ZDHHC21: variants seen among roughly 807,000 people sequenced by gnomAD.
The protein encoded by ZDHHC21 is zDHHC palmitoyltransferase 21.
ZDHHC21 carries 15 observed loss-of-function variants against 34.6 expected under a neutral mutation model. The observed-to-expected ratio is 0.43, with a 90% CI of 0.29 to 0.67. The LOEUF is 0.67. Among genes scored for constraint, ZDHHC21 ranks in the 30% least tolerant of loss-of-function variants. The pLI is 0.14. For synonymous variants in ZDHHC21, 142 were observed against 101.8 expected (o/e 1.40, Z -2.38); for missense variants, 344 against 327.7 (o/e 1.05, Z -0.38).
chr9:14,622,108 C>T (rs1416175814), intron 8 of ZDHHC21, among the ~76,000 whole-genome samples: 1 of 152,050 alleles, frequency 6.6e-6, no homozygotes, highest in Non-Finnish European at 1.5e-5. Context: ...TACCAGAACA[C>T]TTTTATTTAT....
intron 5 of ZDHHC21, among the ~76,000 whole-genome samples, 168 bp from the exon 6 acceptor site, chr9:14,662,494 T>A (rs1236208515): frequency 6.6e-6 from 1 of 152,206 alleles, no homozygotes; most frequent in East Asian, 1.9e-4. Flanking sequence ...TGCTGTTCTA[T>A]TCTACATATG....
At chr9:14,636,300 C>T (rs940299560) in intron 8 of ZDHHC21, among the ~76,000 whole-genome samples, 3 of 151,958 alleles carry the variant, frequency 2.0e-5, no homozygotes, top group Admixed American at 2.0e-4. Flanking sequence ...GACTTTAAGT[C>T]AAAAATAGTA....
intron 7 of ZDHHC21, among the ~76,000 whole-genome samples, chr9:14,655,062 A>G (rs562449059): frequency 6.6e-6 from 1 of 152,186 alleles, no homozygotes; most frequent in Admixed American, 6.6e-5. Context: ...AGCACATCAT[A>G]GAATCACAGA....
intron 3 of ZDHHC21, among the ~76,000 whole-genome samples, chr9:14,679,818 G>C (rs749337571): frequency 1.3e-5 from 2 of 152,032 alleles, no homozygotes; most frequent in Non-Finnish European, 2.9e-5. Context: ...AGATGTTTCT[G>C]AAACTCATAT....
chr9:14,684,631 G>C (rs572357898), intron 2 of ZDHHC21, among the ~76,000 whole-genome samples: 1 of 151,826 alleles, frequency 6.6e-6, no homozygotes, highest in African/African-American at 2.4e-5. Context: ...TACTGCCCAA[G>C]GTAATTTACA....
chr9:14,605,643 T>C, the ZDHHC21 span, among the ~76,000 whole-genome samples: 1,443 of 152,318 alleles, frequency 9.5e-3, 31 homozygotes, highest in African/African-American at 0.033. Flanking sequence ...TAGACTGCCA[T>C]TTGATTCTAT....
chr9:14,648,979 T>A (rs2133813347), intron 7 of ZDHHC21, among the ~76,000 whole-genome samples: 1 of 152,154 alleles, frequency 6.6e-6, no homozygotes, highest in Admixed American at 6.6e-5. Context: ...CTGAACAGTT[T>A]CTCAACCTCA....
chr9:14,627,975 T>C (rs1031268263), intron 8 of ZDHHC21, among the ~76,000 whole-genome samples: 3 of 152,150 alleles, frequency 2.0e-5, no homozygotes, highest in African/African-American at 7.2e-5. Flanking sequence ...TAAAAAATAA[T>C]TTGACTAACC....
intron 7 of ZDHHC21, among the ~76,000 whole-genome samples, chr9:14,644,482 T>G (rs957826582): frequency 2.6e-5 from 4 of 152,072 alleles, no homozygotes; most frequent in South Asian, 2.1e-4. Context: ...CATCTTAGCA[T>G]GCTATAGTTG....
At chr9:14,642,845 A>T (rs1258174971) in intron 7 of ZDHHC21, among the ~76,000 whole-genome samples, 2 of 152,232 alleles carry the variant, frequency 1.3e-5, no homozygotes, top group Non-Finnish European at 2.9e-5. Flanking sequence ...TAATATAATC[A>T]ATAAATGTAT....
intron 8 of ZDHHC21, among the ~76,000 whole-genome samples, chr9:14,631,308 GC>G (rs1827304869): frequency 6.6e-6 from 1 of 152,182 alleles, no homozygotes; most frequent in Non-Finnish European, 1.5e-5. Flanking sequence ...ACTTATGCTA[GC>G]TTCCAACTTT....
intron 7 of ZDHHC21, among the ~76,000 whole-genome samples, chr9:14,654,916 AG>A (rs576966743): frequency 4.7e-4 from 71 of 152,148 alleles, no homozygotes; most frequent in African/African-American, 1.6e-3. Flanking sequence ...GAACTGCAGG[AG>A]AAAAAATTGA....
intron 7 of ZDHHC21, among the ~76,000 whole-genome samples, chr9:14,653,937 A>G (rs1307935588): frequency 6.6e-6 from 1 of 152,106 alleles, no homozygotes; most frequent in East Asian, 1.9e-4. Context: ...GATACTGGCA[A>G]GTAGCCAAAC....
the ZDHHC21 span, among the ~76,000 whole-genome samples, chr9:14,597,982 A>G: frequency 6.6e-6 from 1 of 152,106 alleles, no homozygotes; most frequent in African/African-American, 2.4e-5. Flanking sequence ...TGCCACCGCA[A>G]CTGGTGCCCA....
At position 14,632,283 on chromosome 9, in the gene ZDHHC21, G is replaced by C. The variant is rs112908302; in HGVS notation, c.621+7613C>G. ...GATAGACATACAGATAAATAAAATA[G>C]AGTTAAGAGTCCAGAAAATATCTAG... On this transcript the variant is annotated intron_variant, in intron 8 of 9. Transcript: ENST00000380916. 2.9e-3 allele frequency among the ~76,000 whole-genome samples: 446 copies of C among 152,168 alleles called. 1 individual carries two copies. Among genetic ancestry groups the C allele is most frequent in the Non-Finnish European group, 5.5e-3 (371 of 67,992 alleles).
intron 4 of ZDHHC21, 24 bp downstream of exon 4, chr9:14,674,163 G>C: frequency 6.9e-7 from 1 of 1,444,814 alleles, no homozygotes; most frequent in Non-Finnish European, 9.1e-7. Flanking sequence ...AATTATACAA[G>C]AAAATAAAGA....
At chr9:14,656,061 A>G (rs1457923860) in intron 7 of ZDHHC21, among the ~76,000 whole-genome samples, 5 of 151,874 alleles carry the variant, frequency 3.3e-5, no homozygotes, top group Non-Finnish European at 5.9e-5. Context: ...TTTTATAATG[A>G]TACAAGAATC....
the ZDHHC21 span, among the ~76,000 whole-genome samples, chr9:14,591,540 G>T: frequency 6.6e-6 from 1 of 152,044 alleles, no homozygotes; most frequent in African/African-American, 2.4e-5. Flanking sequence ...GACATGAGAC[G>T]AATAATAATC....
intron 5 of ZDHHC21, among the ~76,000 whole-genome samples, chr9:14,668,305 G>A (rs994494443): frequency 4.1e-4 from 51 of 122,898 alleles, no homozygotes; most frequent in Non-Finnish European, 7.8e-4. Flanking sequence ...GGATGTGAAG[G>A]ACCTCTTCAA....
Sources: allele counts gnomAD v4.1 joint callset (sites outside exome capture counted in the v4.1 genomes callset), GRCh38; gene constraint gnomAD v4.1.1; transcripts MANE v1.5; gene names NCBI Gene and HGNC (gene_info 2026-07-23, HGNC 2026-07-21).